Variants in ARSB observed in about 807,000 individuals in gnomAD.
ARSB encodes arylsulfatase B.
Under a neutral mutation model 50.9 loss-of-function variants are expected in ARSB, and 41 were observed. That is an observed-to-expected ratio of 0.81 (90% CI 0.63 to 1.04). ARSB has a LOEUF of 1.04. ARSB is among the 50% of genes least tolerant of loss of function. ARSB has a pLI of 0.00. For missense variants in ARSB, 672 were observed against 693.3 expected (o/e 0.97, Z 0.35); for synonymous variants, 269 against 284.8 (o/e 0.94, Z 0.56).
upstream of ARSB, chr5:78,985,343 CG>C: frequency 8.7e-7 from 1 of 1,143,188 alleles, no homozygotes; most frequent in Non-Finnish European, 1.1e-6. Context: ...TGCTCCGCCC[CG>C]GCGCGGGACG....
chr5:78,967,630 GACAC>G (rs1283700724), intron 2 of ARSB, among the ~76,000 whole-genome samples: 1 of 148,718 alleles, frequency 6.7e-6, no homozygotes, highest in Non-Finnish European at 1.5e-5. Flanking sequence ...CCGAGATCAT[GACAC>G]AGCACTCCAG....
At chr5:78,865,368 C>T (rs1746671313) in intron 5 of ARSB, among the ~76,000 whole-genome samples, 2 of 152,194 alleles carry the variant, frequency 1.3e-5, no homozygotes, top group South Asian at 4.1e-4. Context: ...ACATTGGCCC[C>T]TTTTGGCCAT....
At chr5:78,820,965 A>G (rs1401498880) in intron 6 of ARSB, among the ~76,000 whole-genome samples, 1 of 137,542 alleles carries the variant, frequency 7.3e-6, no homozygotes, top group African/African-American at 2.8e-5. Flanking sequence ...AACATTTTAT[A>G]TGATATTATC....
chr5:78,904,973 A>C (rs1748982078), intron 4 of ARSB, among the ~76,000 whole-genome samples: 1 of 152,176 alleles, frequency 6.6e-6, no homozygotes, highest in Admixed American at 6.5e-5. Flanking sequence ...TACAGGCACG[A>C]GCCACCACGA....
chr5:78,919,524 G>A (rs1288408374), intron 4 of ARSB, among the ~76,000 whole-genome samples: 6 of 151,720 alleles, frequency 4.0e-5, no homozygotes, highest in African/African-American at 1.5e-4. Context: ...AGGGAGTCTC[G>A]CTCTGTCACC....
At chr5:78,834,595 GTATATATATGTGTATATATATA>G (rs1482820819) in intron 6 of ARSB, among the ~76,000 whole-genome samples, 2 of 80,080 alleles carry the variant, frequency 2.5e-5, no homozygotes, top group Non-Finnish European at 5.1e-5. Context: ...CTATTTCATG[GTATATATATGTGTATATATATA>G]TATATATATA....
chr5:78,930,093 C>T (rs970859445), intron 4 of ARSB, among the ~76,000 whole-genome samples: 3 of 152,046 alleles, frequency 2.0e-5, no homozygotes, highest in African/African-American at 7.2e-5. Flanking sequence ...TTCCTTAGGC[C>T]CCACTACTCA....
At chr5:78,973,120 G>T (rs566142676) in intron 1 of ARSB, among the ~76,000 whole-genome samples, 1 of 152,272 alleles carries the variant, frequency 6.6e-6, no homozygotes, top group South Asian at 2.1e-4. Context: ...GCTGCAAGGG[G>T]CAGGAAGGCA....
intron 6 of ARSB, among the ~76,000 whole-genome samples, chr5:78,825,175 T>C (rs576632190): frequency 2.0e-5 from 3 of 152,186 alleles, no homozygotes; most frequent in Admixed American, 1.3e-4. Context: ...AATGGAAGAG[T>C]TGATGTCATC....
intron 4 of ARSB, among the ~76,000 whole-genome samples, chr5:78,896,453 G>A (rs981454847): frequency 6.6e-6 from 1 of 152,106 alleles, no homozygotes; most frequent in Non-Finnish European, 1.5e-5. Context: ...GGACCCCAGA[G>A]GTACTGCGTT....
chr5:78,881,513 C>T (rs1579994258), intron 5 of ARSB, among the ~76,000 whole-genome samples: 1 of 151,960 alleles, frequency 6.6e-6, no homozygotes, highest in African/African-American at 2.4e-5. Flanking sequence ...ACCTACTTTT[C>T]AGTAAAATAA....
At chr5:78,882,074 A>G (rs986643469) in intron 5 of ARSB, among the ~76,000 whole-genome samples, 1 of 152,270 alleles carries the variant, frequency 6.6e-6, no homozygotes, top group African/African-American at 2.4e-5. Context: ...CTCTCTGGGC[A>G]TGCATTCCTT....
chr5:78,903,331 C>A (rs532323901), intron 4 of ARSB, among the ~76,000 whole-genome samples: 1 of 152,170 alleles, frequency 6.6e-6, no homozygotes, highest in Non-Finnish European at 1.5e-5. Context: ...TTTAAACAGT[C>A]CAAGCCTGCC....
chr5:78,950,440 A>T (rs1418282228), intron 4 of ARSB, among the ~76,000 whole-genome samples: 1 of 152,148 alleles, frequency 6.6e-6, no homozygotes, highest in African/African-American at 2.4e-5. Flanking sequence ...ATTTAAGCAG[A>T]GGAGAATTAT....
intron 5 of ARSB, among the ~76,000 whole-genome samples, chr5:78,882,348 G>A (rs1338234576): frequency 1.3e-5 from 2 of 152,162 alleles, no homozygotes; most frequent in African/African-American, 2.4e-5. Flanking sequence ...AGCAGGAGGA[G>A]GTCAGAGAAA....
chr5:78,844,919 T>C (rs1320251051), intron 5 of ARSB, among the ~76,000 whole-genome samples: 1 of 152,116 alleles, frequency 6.6e-6, no homozygotes, highest in Non-Finnish European at 1.5e-5. Context: ...TTTTCAAAAA[T>C]ATACAATAAA....
chr5:78,808,179 C>G (rs185145611), intron 6 of ARSB, among the ~76,000 whole-genome samples: 6 of 151,010 alleles, frequency 4.0e-5, no homozygotes, highest in Admixed American at 4.0e-4. Context: ...TAATAAACAC[C>G]ATGTACCCAA....
intron 4 of ARSB, among the ~76,000 whole-genome samples, chr5:78,899,558 GT>G (rs1424899407): frequency 1.3e-5 from 2 of 152,034 alleles, no homozygotes; most frequent in African/African-American, 4.8e-5. Flanking sequence ...CACACAGCTG[GT>G]TTTTGAGCTC....
chr5:78,867,462 T>C (rs1746832531), intron 5 of ARSB, among the ~76,000 whole-genome samples: 2 of 152,212 alleles, frequency 1.3e-5, no homozygotes, highest in African/African-American at 4.8e-5. Context: ...AGCACGCAGC[T>C]GGAGATCTGA....
Sources: gnomAD v4.1 joint callset for allele counts (sites outside exome capture counted in the v4.1 genomes callset) on GRCh38, gnomAD v4.1.1 for gene constraint, MANE v1.5 for transcripts, NCBI Gene and HGNC (gene_info 2026-07-23, HGNC 2026-07-21) for gene names.